The following SIRPG variants were observed in gnomAD, a reference collection of about 807,000 sequenced individuals.
SIRPG encodes signal-regulatory protein gamma.
SIRPG carries 38 observed loss-of-function variants against 35.7 expected under a neutral mutation model. The ratio of observed to expected loss-of-function variants is 1.06; its 90% CI spans 0.82 to 1.40. SIRPG has a LOEUF of 1.40. Ranked by LOEUF, SIRPG falls within the 40% of genes most tolerant of loss-of-function variation. SIRPG has a pLI of 0.00. For synonymous variants in SIRPG, 215 were observed against 190.4 expected (o/e 1.13, Z -1.06); for missense variants, 519 against 483.0 (o/e 1.07, Z -0.70).
At chr20:1,666,002 C>T in the SIRPG span, among the ~76,000 whole-genome samples, 338 of 152,110 alleles carry the variant, frequency 2.2e-3, 1 homozygote, top group Middle Eastern at 6.8e-3. Flanking sequence ...GTTATGGCCC[C>T]TGAAGGCCTT....
upstream of SIRPG, among the ~76,000 whole-genome samples, chr20:1,658,075 T>A (rs1233514579): frequency 6.6e-6 from 1 of 152,198 alleles, no homozygotes; most frequent in Non-Finnish European, 1.5e-5. Context: ...TTAGGTATTG[T>A]TTTCTAAAGT....
At chr20:1,651,546 T>A (rs1462140408) in intron 1 of SIRPG, among the ~76,000 whole-genome samples, 1 of 152,128 alleles carries the variant, frequency 6.6e-6, no homozygotes, top group Non-Finnish European at 1.5e-5. Flanking sequence ...GAAATTCTCA[T>A]GACCAGGTTA....
the SIRPG span, among the ~76,000 whole-genome samples, chr20:1,670,551 C>T: frequency 6.6e-6 from 1 of 152,160 alleles, no homozygotes; most frequent in Admixed American, 6.5e-5. Context: ...TCACCAGGCA[C>T]ACAGGGCCTT....
the SIRPG span, among the ~76,000 whole-genome samples, chr20:1,679,262 A>G: frequency 6.6e-6 from 1 of 152,190 alleles, no homozygotes; most frequent in Admixed American, 6.5e-5. Context: ...TGAGGAAATA[A>G]AGATGTCCAG....
the SIRPG span, among the ~76,000 whole-genome samples, chr20:1,679,636 C>A: frequency 6.6e-6 from 1 of 152,084 alleles, no homozygotes; most frequent in Non-Finnish European, 1.5e-5. Context: ...ATAAATTGTT[C>A]ATCTTCATAT....
At chr20:1,661,450 CAT>C (rs1427401519), upstream of SIRPG, among the ~76,000 whole-genome samples, 1 of 152,184 alleles carries the variant, frequency 6.6e-6, no homozygotes, top group East Asian at 1.9e-4. Context: ...GAGCAGGTAA[CAT>C]GGGCTGAGAG....
In SIRPG at chr20:1,636,469, G is replaced by A. The variant is rs769779237; in HGVS notation, c.467C>T (p.Ala156Val). 3.8e-5 allele frequency: 62 copies of A among 1,614,102 alleles called. No individual in the cohort carries two copies. The highest frequency in any genetic ancestry group is 4.7e-5 in the Non-Finnish European group (56 of 1,180,048). ...PSAPVVLGPAARTTPEHTVSF... is the reference protein window; with the variant it reads ...PSAPVVLGPAVRTTPEHTVSF... ...CACTGTATGCTCAGGTGTGGTCCTC[G>A]CCGCAGGGCCCAATACCACGGGGGC... Residue 156 changes from alanine (A) to valine (V), a missense_variant, in exon 3 of 6, where the codon GCG becomes GTG. Coordinates refer to ENST00000303415, the MANE Select transcript of SIRPG (RefSeq NM_018556.4).
At chr20:1,657,918 C>T, upstream of SIRPG, 5 of 522,104 alleles carry the variant, frequency 9.6e-6, no homozygotes, top group Non-Finnish European at 1.7e-5. Context: ...AATCGTGCTC[C>T]ATTTTCAGGA....
intron 4 of SIRPG, among the ~76,000 whole-genome samples, chr20:1,632,323 G>A (rs189217566): frequency 4.7e-4 from 71 of 152,274 alleles, no homozygotes; most frequent in Admixed American, 1.3e-3. Flanking sequence ...CAAAATGACC[G>A]TGAGTCAAAA....
chr20:1,665,516 C>T, the SIRPG span: 1 of 152,242 alleles, frequency 6.6e-6, no homozygotes, highest in Non-Finnish European at 1.5e-5. Context: ...CTGAGTCCTT[C>T]CCTGGATGCC....
At chr20:1,631,682 T>C (rs995921060) in intron 4 of SIRPG, among the ~76,000 whole-genome samples, 3 of 152,204 alleles carry the variant, frequency 2.0e-5, no homozygotes, top group African/African-American at 7.2e-5. Context: ...CAGCTCGCAA[T>C]GAGGACCTCA....
At chr20:1,651,983 A>T (rs2091942842) in intron 1 of SIRPG, among the ~76,000 whole-genome samples, 1 of 152,180 alleles carries the variant, frequency 6.6e-6, no homozygotes, top group Non-Finnish European at 1.5e-5. Context: ...TACATTTACA[A>T]ATTTTACTTG....
chr20:1,642,241 G>A (rs1184402848), intron 2 of SIRPG, among the ~76,000 whole-genome samples: 4 of 152,146 alleles, frequency 2.6e-5, no homozygotes, highest in Non-Finnish European at 5.9e-5. Context: ...CTTTTTGTAG[G>A]TCTCTAAGAA....
At chr20:1,652,074 ATT>A (rs1225580374) in intron 1 of SIRPG, among the ~76,000 whole-genome samples, 1 of 152,150 alleles carries the variant, frequency 6.6e-6, no homozygotes, top group East Asian at 1.9e-4. Context: ...TTTGGCAATG[ATT>A]TTCATTCCTC....
chr20:1,634,351 C>A (rs193067243), intron 4 of SIRPG, among the ~76,000 whole-genome samples: 2 of 151,828 alleles, frequency 1.3e-5, no homozygotes, highest in South Asian at 4.2e-4. Flanking sequence ...GGACTACAGG[C>A]GCCCGCCACC....
intron 2 of SIRPG, among the ~76,000 whole-genome samples, chr20:1,645,577 A>G (rs1045679140): frequency 3.9e-5 from 6 of 152,192 alleles, no homozygotes; most frequent in Non-Finnish European, 8.8e-5. Flanking sequence ...CATTTACTGC[A>G]TTCCAGGTGC....
chr20:1,630,605 C>G, intron 4 of SIRPG: 1 of 328,196 alleles, frequency 3.0e-6, no homozygotes, highest in South Asian at 3.5e-5. Context: ...CCTCACAAGC[C>G]TATGGGAGCA....
chr20:1,652,549 A>G (rs1034243252), intron 1 of SIRPG, among the ~76,000 whole-genome samples: 1 of 152,228 alleles, frequency 6.6e-6, no homozygotes, highest in Non-Finnish European at 1.5e-5. Flanking sequence ...CAATATACAA[A>G]TGACAGACAA....
chr20:1,668,199 T>TTTTCTTTTCTTTCTTTCTTTC, the SIRPG span, among the ~76,000 whole-genome samples: 3 of 67,446 alleles, frequency 4.4e-5, no homozygotes, highest in South Asian at 7.5e-4. Flanking sequence ...TTTTCTTTTC[T>TTTTCTTTTCTTTCTTTCTTTC]TTTCTTTCTT....
Sources: gnomAD v4.1 joint callset for allele counts (sites outside exome capture counted in the v4.1 genomes callset) on GRCh38, gnomAD v4.1.1 for gene constraint, MANE v1.5 for transcripts, NCBI Gene and HGNC (gene_info 2026-07-23, HGNC 2026-07-21) for gene names.